Variants in CDK14 observed in about 807,000 individuals in gnomAD.
CDK14 encodes cyclin-dependent kinase 14.
In CDK14, 34 loss-of-function variants were observed where a neutral mutation model predicts 60.7. That is an observed-to-expected ratio of 0.56 (90% CI 0.43 to 0.75). The LOEUF is 0.75. Among genes scored for constraint, CDK14 ranks in the 30% least tolerant of loss-of-function variants. The pLI is 0.00. For synonymous variants in CDK14, 197 were observed against 203.7 expected (o/e 0.97, Z 0.28); for missense variants, 482 against 564.1 (o/e 0.85, Z 1.47).
At position 90,649,256 on chromosome 7, in the gene CDK14, C is replaced by CTTTGTTTCTTTGTTTCTTTGTTTCTTTG; in HGVS notation, c.123+45010_123+45011insGTTTCTTTGTTTCTTTGTTTCTTTGTTT. Among the ~76,000 whole-genome samples, 4 of 47,350 alleles carry CTTTGTTTCTTTGTTTCTTTGTTTCTTTG rather than the reference C, an allele frequency of 8.4e-5. 1 individual carries two copies. In the Admixed American group the frequency reaches 8.8e-4, roughly 10 times the overall value. 31.1% of individuals were successfully genotyped at this position (47,350 alleles called of 152,430 possible). ...CTATAGTTTCTTTCTTTCTTTCTTT[C>CTTTGTTTCTTTGTTTCTTTGTTTCTTTG]TTTCTTTCTTTCTTTCTTTCTTTCT... On this transcript the variant is annotated intron_variant, in intron 2 of 14. Coordinates refer to ENST00000380050, the MANE Select transcript of CDK14 (RefSeq NM_001287135.2).
intron 14 of CDK14, among the ~76,000 whole-genome samples, chr7:91,162,351 T>TG (rs1220222414): frequency 6.6e-6 from 1 of 152,232 alleles, no homozygotes; most frequent in African/African-American, 2.4e-5. Flanking sequence ...GAAGGCTTCA[T>TG]GGCACAGGTG....
chr7:91,054,724 C>T (rs1300593024), intron 11 of CDK14, among the ~76,000 whole-genome samples: 1 of 152,168 alleles, frequency 6.6e-6, no homozygotes, highest in African/African-American at 2.4e-5. Flanking sequence ...GCTAAAGATG[C>T]AGTTTGAACA....
At chr7:90,664,013 G>A (rs1306524978) in intron 2 of CDK14, among the ~76,000 whole-genome samples, 4 of 151,954 alleles carry the variant, frequency 2.6e-5, no homozygotes, top group Non-Finnish European at 2.9e-5. Context: ...GCAACCTACA[G>A]AATGGGAGAA....
chr7:90,726,272 C>T (rs1263086469), intron 2 of CDK14: 13 of 979,948 alleles, frequency 1.3e-5, no homozygotes, highest in East Asian at 1.1e-4. Context: ...GATGGTAAAA[C>T]GTGTGACAGA....
chr7:91,121,649 A>G (rs1359592661), intron 14 of CDK14, among the ~76,000 whole-genome samples: 1 of 152,230 alleles, frequency 6.6e-6, no homozygotes, highest in Non-Finnish European at 1.5e-5. Context: ...AACCAAATTA[A>G]ATAAGAAGAA....
Position 91,118,053 on chromosome 7 carries a change from T to C in CDK14, c.1295-12T>C. 1 of 1,483,710 alleles carries C rather than the reference T, an allele frequency of 6.7e-7. No individual in the cohort carries two copies. Among genetic ancestry groups the C allele is most frequent in the Admixed American group, 1.7e-5 (1 of 57,528 alleles). The allele number at this position is 1,483,710 out of a possible 1,614,324, so 91.9% of individuals were successfully genotyped here. On this transcript the variant is annotated splice_polypyrimidine_tract_variant and intron_variant, in intron 13 of 14. Coordinates refer to ENST00000380050, the MANE Select transcript of CDK14 (RefSeq NM_001287135.2). ...TAACTATATAAATGAAAACTTCATATTCTGTCCACAGTGTCTTCTATTTTT... is the reference window on the plus strand; with the variant it reads ...TAACTATATAAATGAAAACTTCATACTCTGTCCACAGTGTCTTCTATTTTT...
At chr7:90,623,171 G>A (rs1226671415) in intron 2 of CDK14, among the ~76,000 whole-genome samples, 1 of 151,838 alleles carries the variant, frequency 6.6e-6, no homozygotes, top group African/African-American at 2.4e-5. Flanking sequence ...TTGTGATCAT[G>A]TGTTTTTCCT....
At chr7:91,051,037 G>C (rs1797375995) in intron 11 of CDK14, among the ~76,000 whole-genome samples, 1 of 152,136 alleles carries the variant, frequency 6.6e-6, no homozygotes, top group Non-Finnish European at 1.5e-5. Flanking sequence ...CTGGCAATTA[G>C]ACTATTTTAA....
At chr7:90,815,326 A>T (rs950288025) in intron 5 of CDK14, among the ~76,000 whole-genome samples, 1 of 152,238 alleles carries the variant, frequency 6.6e-6, no homozygotes, top group African/African-American at 2.4e-5. Context: ...AAAGCTCATC[A>T]TCACTGGTCA....
chr7:90,684,050 G>A lies in CDK14; in HGVS notation c.124-42517G>A, dbSNP rs143036585. On this transcript the variant is annotated intron_variant, in intron 2 of 14. Coordinates refer to ENST00000380050, the MANE Select transcript of CDK14 (RefSeq NM_001287135.2). Reference sequence around the variant, plus strand: ...TTAATTTGAATCCATCCCTGTAGAGGTTTTTTATTTCTCCCATGGTAAGAA... The same window carrying A: ...TTAATTTGAATCCATCCCTGTAGAGATTTTTTATTTCTCCCATGGTAAGAA... Among the ~76,000 whole-genome samples the A allele has an allele frequency of 9.1e-3, 1,382 of 152,010 alleles. 13 individuals carry two copies. Among genetic ancestry groups the A allele is most frequent in the Admixed American group, 0.015 (234 of 15,264 alleles).
chr7:91,061,620 T>A (rs1222325318), intron 11 of CDK14, among the ~76,000 whole-genome samples: 1 of 152,200 alleles, frequency 6.6e-6, no homozygotes. Context: ...CTTCTAACAG[T>A]CAGGACCCTC....
At chr7:90,632,095 C>T (rs1800013981) in intron 2 of CDK14, 1 of 153,962 alleles carries the variant, frequency 6.5e-6, no homozygotes, top group East Asian at 1.9e-4. Context: ...TATAATCCAT[C>T]TTCTCTGTGA....
At chr7:91,059,479 TC>T (rs1797707884) in intron 11 of CDK14, among the ~76,000 whole-genome samples, 1 of 152,216 alleles carries the variant, frequency 6.6e-6, no homozygotes, top group Non-Finnish European at 1.5e-5. Context: ...CTTCTCTAGT[TC>T]TTTTAATTGT....
chr7:90,649,494 G>A (rs1300078920), intron 2 of CDK14, among the ~76,000 whole-genome samples: 11 of 143,094 alleles, frequency 7.7e-5, no homozygotes, highest in Non-Finnish European at 1.7e-4. Context: ...AAGTTCTAGG[G>A]TACGTGTGCA....
At chr7:90,715,682 G>T (rs10281750) in intron 2 of CDK14, among the ~76,000 whole-genome samples, 1 of 145,452 alleles carries the variant, frequency 6.9e-6, no homozygotes, top group Non-Finnish European at 1.5e-5. Context: ...TTTTTCTAGA[G>T]TAAGAGTTTT....
intron 12 of CDK14, among the ~76,000 whole-genome samples, chr7:91,084,397 C>G (rs1247258423): frequency 6.6e-6 from 1 of 152,194 alleles, no homozygotes; most frequent in African/African-American, 2.4e-5. Flanking sequence ...CCCACACCAC[C>G]AACTTGGGCC....
At chr7:91,075,552 C>G (rs531505390) in intron 11 of CDK14, among the ~76,000 whole-genome samples, 1 of 152,104 alleles carries the variant, frequency 6.6e-6, no homozygotes, top group African/African-American at 2.4e-5. Context: ...CTTTGAAAAC[C>G]GTCACAAGAC....
chr7:90,778,852 C>CTTCCTTCT (rs1485961264), intron 4 of CDK14, among the ~76,000 whole-genome samples: 1 of 91,352 alleles, frequency 1.1e-5, no homozygotes, highest in African/African-American at 4.1e-5. Flanking sequence ...ACCGACCTTC[C>CTTCCTTCT]TTCCTTCCTT....
intron 2 of CDK14, among the ~76,000 whole-genome samples, chr7:90,611,537 A>G (rs190803240): frequency 7.9e-5 from 12 of 152,196 alleles, no homozygotes; most frequent in Admixed American, 7.2e-4. Context: ...CCCCGCATCC[A>G]GGTGTTGGCT....
Sources: allele counts gnomAD v4.1 joint callset (sites outside exome capture counted in the v4.1 genomes callset), GRCh38; gene constraint gnomAD v4.1.1; transcripts MANE v1.5; gene names NCBI Gene and HGNC (gene_info 2026-07-23, HGNC 2026-07-21).